Variants in SH2B3 observed in about 807,000 individuals in gnomAD.
The protein encoded by SH2B3 is SH2B adapter protein 3.
Under a neutral mutation model 51.9 loss-of-function variants are expected in SH2B3, and 43 were observed. That is an observed-to-expected ratio of 0.83 (90% CI 0.65 to 1.07). The LOEUF (loss-of-function observed/expected upper bound fraction) is 1.07, where lower values mean the gene tolerates loss of function less well. Among genes scored for constraint, SH2B3 ranks in the 50% least tolerant of loss-of-function variants. SH2B3 has a pLI of 0.00. For missense variants in SH2B3, 952 were observed against 834.3 expected (o/e 1.14, Z -1.74); for synonymous variants, 396 against 376.0 (o/e 1.05, Z -0.62).
intron 2 of SH2B3, among the ~76,000 whole-genome samples, chr12:111,426,803 A>C (rs1328573409): frequency 6.6e-6 from 1 of 152,104 alleles, no homozygotes; most frequent in Non-Finnish European, 1.5e-5. Flanking sequence ...CAGATGAGGA[A>C]ACTGAGGCAC....
rs751470371 is a variant in SH2B3, at chr12:111,447,774, C to G, written c.1355C>G (p.Ala452Gly). 2 of 1,614,080 alleles carry G rather than the reference C, an allele frequency of 1.2e-6. No homozygotes were observed. Among genetic ancestry groups the G allele is most frequent in the Non-Finnish European group, 8.5e-7 (1 of 1,180,046 alleles). The change falls in exon 7 of 8, where the codon GCC becomes GGC. Residue 452 changes from alanine (A) to glycine (G), a missense_variant. Coordinates refer to ENST00000341259, the MANE Select transcript of SH2B3 (RefSeq NM_005475.3). Reference protein sequence around the residue: ...QRSPIPLECGAACDVRLSSYV... With the variant: ...QRSPIPLECGGACDVRLSSYV... ...TCGCCCATCCCACTCGAGTGCGGCG[C>G]CGCCTGTGATGTCCGGCTCTCCAGC... is the stretch of plus-strand genomic sequence containing the variant.
chr12:111,418,753 A>G lies in SH2B3; in HGVS notation c.608A>G (p.Tyr203Cys). 6.7e-7 allele frequency: 1 copy of G among 1,481,806 alleles called. No individual in the cohort carries two copies. The highest frequency in any genetic ancestry group is 8.9e-7 in the Non-Finnish European group (1 of 1,124,050). 91.8% of individuals were successfully genotyped at this position (1,481,806 alleles called of 1,614,324 possible). A position where few individuals can be genotyped will look rare whatever the true frequency, so the allele number is the denominator to read the frequency against. ...GCGCTGAAGGAGGCGGTGCTGCGCT[A>G]CAGCCTGGCCGACGAGGCCTCCATG... is the stretch of plus-strand genomic sequence containing the variant. ...PEALKEAVLR[Y>C]SLADEASMDS... Residue 203 changes from tyrosine to cysteine, a missense_variant, in exon 2 of 8, where the codon TAC becomes TGC. By Grantham distance (194) the Tyr-to-Cys change is radical. Coordinates refer to ENST00000341259, the MANE Select transcript of SH2B3 (RefSeq NM_005475.3). The surrounding 1 kb of genome is among the most constrained non-coding windows in gnomAD (Gnocchi z 6.7).
chr12:111,412,789 T>C (rs1431105047), intron 1 of SH2B3, among the ~76,000 whole-genome samples: 1 of 152,172 alleles, frequency 6.6e-6, no homozygotes, highest in Non-Finnish European at 1.5e-5. Context: ...CAGCTTGGTC[T>C]CGAACTCTGG....
rs552782741 is a variant in SH2B3 at position 111,407,645 on chromosome 12, T to C, written c.-28+1368T>C. On this transcript the variant is annotated intron_variant, in intron 1 of 7. Coordinates refer to ENST00000341259, the MANE Select transcript of SH2B3 (RefSeq NM_005475.3). The surrounding 1 kb of genome is among the most constrained non-coding windows in gnomAD (Gnocchi z 4.3). ...AAGTTGGAAGGGTTTTTAGTGCACT[T>C]TTCCTGAGCCTTTTCCCACTACCCC... Among the ~76,000 whole-genome samples the C allele has an allele frequency of 3.1e-3, 466 of 152,234 alleles. 1 individual carries two copies. The highest frequency in any genetic ancestry group is 4.8e-3 in the Non-Finnish European group (325 of 68,002).
chr12:111,409,386 T>G lies in SH2B3; in HGVS notation c.-28+3109T>G, dbSNP rs1302955352. Among the ~76,000 whole-genome samples, 1 of 152,242 alleles carries G rather than the reference T, an allele frequency of 6.6e-6. No homozygotes were observed. The highest frequency in any genetic ancestry group is 1.5e-5 in the Non-Finnish European group (1 of 68,040). On this transcript the variant is annotated intron_variant, in intron 1 of 7. Transcript: ENST00000341259. This position sits in a 1 kb window ranked among gnomAD's most constrained non-coding sequence, Gnocchi z 4.0. ...GTTCATGCCCAATAGGGGCTGGCAC[T>G]TAATTGCCAGGTTTCCTGGGAAAAC... is the stretch of plus-strand genomic sequence containing the variant.
chr12:111,445,565 C>T (rs887601614), intron 2 of SH2B3, among the ~76,000 whole-genome samples: 7 of 152,206 alleles, frequency 4.6e-5, no homozygotes, highest in Non-Finnish European at 8.8e-5. Context: ...AGTGAGAGGC[C>T]GCAGTGAGCT....
chr12:111,411,679 A>G (rs1056446868), intron 1 of SH2B3, among the ~76,000 whole-genome samples: 1 of 152,286 alleles, frequency 6.6e-6, no homozygotes, highest in South Asian at 2.1e-4. Flanking sequence ...GAGGCCCTCA[A>G]TAGCCCTTTG....
Position 111,407,364 on chromosome 12 carries a change from C to A in SH2B3, c.-28+1087C>A, listed in dbSNP as rs1157368739. Among the ~76,000 whole-genome samples, 1 of 152,222 alleles carries A rather than the reference C, an allele frequency of 6.6e-6. No homozygotes were observed. Among genetic ancestry groups the A allele is most frequent in the Non-Finnish European group, 1.5e-5 (1 of 68,042 alleles). ...GCAGGAGGGACCGAGATCTGACCCG[C>A]AGCCCCTCGCCGGGGAGATGACAGT... is the stretch of plus-strand genomic sequence containing the variant. On this transcript the variant is annotated intron_variant, in intron 1 of 7. Coordinates refer to ENST00000341259, the MANE Select transcript of SH2B3 (RefSeq NM_005475.3). The surrounding 1 kb of genome is among the most constrained non-coding windows in gnomAD (Gnocchi z 4.3).
chr12:111,445,407 C>T (rs1035345348), intron 2 of SH2B3, among the ~76,000 whole-genome samples: 3 of 152,236 alleles, frequency 2.0e-5, no homozygotes, highest in Non-Finnish European at 2.9e-5. Flanking sequence ...CTGCACACTG[C>T]GCTGTGTCCA....
rs972944493 is a variant in SH2B3, at chr12:111,407,362, C to T, written c.-28+1085C>T. ...TGGCAGGAGGGACCGAGATCTGACC[C>T]GCAGCCCCTCGCCGGGGAGATGACA... On this transcript the variant is annotated intron_variant, in intron 1 of 7. Transcript: ENST00000341259. The surrounding 1 kb of genome is among the most constrained non-coding windows in gnomAD (Gnocchi z 4.3). Among the ~76,000 whole-genome samples the T allele has an allele frequency of 2.0e-5, 3 of 152,200 alleles. No individual in the cohort carries two copies. The highest frequency in any genetic ancestry group is 4.8e-5 in the African/African-American group (2 of 41,444).
In SH2B3 at chr12:111,435,993, G is replaced by A. The variant is rs1483517336; in HGVS notation, c.733-10760G>A. ...TGGTGGCCCTGCCGTGTATGGAGCT[G>A]AGTGCCGCCCAGAGATGCCATCTTG... On this transcript the variant is annotated intron_variant, in intron 2 of 7. Transcript: ENST00000341259. The surrounding 1 kb of genome is among the most constrained non-coding windows in gnomAD (Gnocchi z 4.8). 6.6e-6 allele frequency among the ~76,000 whole-genome samples: 1 copy of A among 152,172 alleles called. No homozygotes were observed. The highest frequency in any genetic ancestry group is 1.5e-5 in the Non-Finnish European group (1 of 68,008).
intron 1 of SH2B3, among the ~76,000 whole-genome samples, chr12:111,414,775 C>G (rs1214527908): frequency 6.6e-6 from 1 of 152,106 alleles, no homozygotes; most frequent in Admixed American, 6.5e-5. Flanking sequence ...TGGCCACATG[C>G]AGAGACGGTG....
chr12:111,425,136 C>T (rs570575766), intron 2 of SH2B3, among the ~76,000 whole-genome samples: 1 of 152,108 alleles, frequency 6.6e-6, no homozygotes, highest in African/African-American at 2.4e-5. Flanking sequence ...GCTGTGTGAC[C>T]GCGGGCCTGT....
chr12:111,424,747 G>T (rs1001249671), intron 2 of SH2B3, among the ~76,000 whole-genome samples: 1 of 152,166 alleles, frequency 6.6e-6, no homozygotes, highest in African/African-American at 2.4e-5. Flanking sequence ...TCCAGGTGAT[G>T]GGCCAAGGGT....
rs1192450828 is a variant in SH2B3, at chr12:111,451,181, T to C, written c.*2879T>C. ...TTTATCTGGTATAAATCTTCTGCCT[T>C]TGATCATTTCTGGACCGTAGGAAAA... On this transcript the variant is annotated 3_prime_UTR_variant, in exon 8 of 8. Transcript: ENST00000341259. 6.5e-6 allele frequency: 1 copy of C among 152,678 alleles called. No individual in the cohort carries two copies. The highest frequency in any genetic ancestry group is 1.5e-5 in the Non-Finnish European group (1 of 68,042). 9.5% of individuals were successfully genotyped at this position (152,678 alleles called of 1,614,324 possible).
intron 2 of SH2B3, among the ~76,000 whole-genome samples, chr12:111,432,272 G>A (rs1202461956): frequency 2.0e-5 from 3 of 151,980 alleles, no homozygotes; most frequent in South Asian, 2.1e-4. Context: ...GGCTGGTCTC[G>A]AACTCCTGAC....
chr12:111,422,273 G>T (rs1380735108), intron 2 of SH2B3, among the ~76,000 whole-genome samples: 1 of 152,046 alleles, frequency 6.6e-6, no homozygotes, highest in Non-Finnish European at 1.5e-5. Context: ...TAGAAATGGG[G>T]TTTCACCATG....
chr12:111,420,849 G>A (rs1871490452), intron 2 of SH2B3, among the ~76,000 whole-genome samples: 1 of 152,222 alleles, frequency 6.6e-6, no homozygotes, highest in Non-Finnish European at 1.5e-5. Context: ...TAACTGAGGG[G>A]TCCCGGTTTG....
chr12:111,442,611 G>A (rs2135598128), intron 2 of SH2B3, among the ~76,000 whole-genome samples: 1 of 152,326 alleles, frequency 6.6e-6, no homozygotes, highest in South Asian at 2.1e-4. Flanking sequence ...TGTGTCAGAT[G>A]CTGCCCTGTG....
Sources: gnomAD v4.1 joint callset for allele counts (sites outside exome capture counted in the v4.1 genomes callset) on GRCh38, gnomAD v4.1.1 for gene constraint, Gnocchi (gnomAD v3.1) non-coding constraint, MANE v1.5 for transcripts, NCBI Gene and HGNC (gene_info 2026-07-23, HGNC 2026-07-21) for gene names.